Variants in FAM118B observed in about 807,000 individuals in gnomAD.
FAM118B encodes the protein protein FAM118B.
FAM118B carries 24 observed loss-of-function variants against 38.5 expected under a neutral mutation model. The ratio of observed to expected loss-of-function variants is 0.62; its 90% CI spans 0.45 to 0.88. The LOEUF is 0.88. Ranked by LOEUF, FAM118B falls within the 40% of genes least tolerant of loss-of-function variation. The pLI is 0.00. For missense variants in FAM118B, 334 were observed against 420.0 expected, an observed-to-expected ratio of 0.80 and a Z score of 1.79; for synonymous variants, 138 against 156.3, an observed-to-expected ratio of 0.88 and a Z score of 0.87.
At chr11:126,235,297 G>A (rs959839506) in intron 3 of FAM118B, among the ~76,000 whole-genome samples, 21 of 152,218 alleles carry the variant, frequency 1.4e-4, no homozygotes, top group African/African-American at 4.3e-4. Flanking sequence ...TTCAAAGTCC[G>A]CCCTTCCTCA....
chr11:126,229,386 A>AT (rs1362943829), intron 2 of FAM118B, 93 bp downstream of exon 2: 1 of 152,156 alleles, frequency 6.6e-6, no homozygotes, highest in African/African-American at 2.4e-5. Flanking sequence ...TTCCCTATAC[A>AT]TATGCGTTAC....
upstream of FAM118B, chr11:126,211,735 T>C (rs1949878821): frequency 1.4e-6 from 2 of 1,406,954 alleles, no homozygotes; most frequent in East Asian, 2.3e-5. Flanking sequence ...TGGTGCGGGG[T>C]GGGGCCTGGG....
chr11:126,249,596 T>G (rs1190956813), intron 4 of FAM118B, among the ~76,000 whole-genome samples: 1 of 151,826 alleles, frequency 6.6e-6, no homozygotes, highest in East Asian at 1.9e-4. Context: ...CTGAGCACAG[T>G]GGCAGGCGCC....
chr11:126,223,704 C>A (rs1470991772), intron 1 of FAM118B, among the ~76,000 whole-genome samples: 1 of 152,028 alleles, frequency 6.6e-6, no homozygotes, highest in African/African-American at 2.4e-5. Flanking sequence ...AATACTGATG[C>A]CCTTGAATCA....
rs577322796 is a variant in FAM118B, at chr11:126,256,986, C to T, written c.982+134C>T. The T allele has an allele frequency of 1.1e-4, 94 of 890,228 alleles. 1 individual carries two copies. The highest frequency in any genetic ancestry group is 3.5e-4 in the Middle Eastern group (1 of 2,886). 55.1% of individuals were successfully genotyped at this position (890,228 alleles called of 1,614,324 possible). ...ACTGACCAAATTGTAAAGGAGGCCA[C>T]AGTCTTCAGGTTAGACTAAAGTGCC... is the stretch of plus-strand genomic sequence containing the variant. On this transcript the variant is annotated intron_variant, in intron 7 of 8. Coordinates refer to ENST00000533050, the MANE Select transcript of FAM118B (RefSeq NM_024556.4). This position sits in a 1 kb window ranked among gnomAD's most constrained non-coding sequence, Gnocchi z 6.6.
Position 126,250,430 on chromosome 11 carries a change from T to G in FAM118B, c.340-76T>G. The G allele has an allele frequency of 2.1e-6, 2 of 963,360 alleles. No homozygotes were observed. The highest frequency in any genetic ancestry group is 3.0e-5 in the South Asian group (2 of 65,876). 59.7% of individuals were successfully genotyped at this position (963,360 alleles called of 1,614,324 possible). A position where few individuals can be genotyped will look rare whatever the true frequency, so the allele number is the denominator to read the frequency against. On this transcript the variant is annotated intron_variant, in intron 4 of 8. Transcript: ENST00000533050. The surrounding 1 kb of genome is among the most constrained non-coding windows in gnomAD (Gnocchi z 5.1). ...GAATTCAAAATATTCTTCCAAAATT[T>G]GTTACTGCTGTAACTAAAACAACTG...
At position 126,255,575 on chromosome 11, in the gene FAM118B, T is replaced by G. The variant is rs1242292316; in HGVS notation, c.697-992T>G. 2.0e-5 allele frequency among the ~76,000 whole-genome samples: 3 copies of G among 152,206 alleles called. No homozygotes were observed. Among genetic ancestry groups the G allele is most frequent in the Non-Finnish European group, 4.4e-5 (3 of 68,038 alleles). ...ATGATGGAATTATCTTCTCTGGTGA[T>G]TCACAGTTCAGTTTGTGAGACAAAG... On this transcript the variant is annotated intron_variant, in intron 6 of 8. Transcript: ENST00000533050. The surrounding 1 kb of genome is among the most constrained non-coding windows in gnomAD (Gnocchi z 4.6).
chr11:126,239,425 G>A (rs1000176021), intron 3 of FAM118B, among the ~76,000 whole-genome samples: 2 of 152,272 alleles, frequency 1.3e-5, no homozygotes, highest in African/African-American at 4.8e-5. Context: ...TTTTCTATGT[G>A]TGTGTATATT....
intron 1 of FAM118B, among the ~76,000 whole-genome samples, chr11:126,218,939 C>T (rs868534627): frequency 2.6e-5 from 4 of 152,184 alleles, no homozygotes; most frequent in Non-Finnish European, 5.9e-5. Context: ...TTTCAGATTT[C>T]GGTTCATTTT....
At chr11:126,251,704 T>C (rs970577975) in intron 5 of FAM118B, among the ~76,000 whole-genome samples, 3 of 152,110 alleles carry the variant, frequency 2.0e-5, no homozygotes, top group African/African-American at 7.2e-5. Context: ...GTCCGTTTCC[T>C]TTGTAGCACT....
chr11:126,211,800 A>T lies in FAM118B; in HGVS notation c.-107A>T, dbSNP rs1949881333. The T allele has an allele frequency of 5.5e-6, 4 of 729,664 alleles. No individual in the cohort carries two copies. Among genetic ancestry groups the T allele is most frequent in the Non-Finnish European group, 4.4e-6 (2 of 451,090 alleles). 45.2% of individuals were successfully genotyped at this position (729,664 alleles called of 1,614,324 possible). ...TGCGGCTGCGCCGGCCGGTAGCTGC[A>T]GCTGGAGCAGTGGCGTTTGGAGGAG... is the stretch of plus-strand genomic sequence containing the variant. On this transcript the variant is annotated 5_prime_UTR_variant, in exon 1 of 9. Transcript: ENST00000533050.
At chr11:126,221,489 T>C (rs1235532212) in intron 1 of FAM118B, among the ~76,000 whole-genome samples, 1 of 152,080 alleles carries the variant, frequency 6.6e-6, no homozygotes, top group Non-Finnish European at 1.5e-5. Flanking sequence ...AAGGAGCAGG[T>C]TGTTGAACGG....
intron 5 of FAM118B, among the ~76,000 whole-genome samples, chr11:126,251,255 T>C (rs1463557927): frequency 1.3e-5 from 2 of 152,238 alleles, no homozygotes; most frequent in Non-Finnish European, 2.9e-5. Flanking sequence ...TTGATCTGTG[T>C]CAGCTAATGA....
intron 1 of FAM118B, among the ~76,000 whole-genome samples, chr11:126,224,474 T>TA (rs1950111430): frequency 4.0e-5 from 1 of 25,016 alleles, no homozygotes; most frequent in Non-Finnish European, 6.3e-5. Context: ...AGACCCTGTC[T>TA]CAAAAAAAAA....
In FAM118B at chr11:126,256,446, A is replaced by G. The variant is rs1950580137; in HGVS notation, c.697-121A>G. The G allele has an allele frequency of 3.7e-6, 3 of 805,322 alleles. No homozygotes were observed. Among genetic ancestry groups the G allele is most frequent in the Admixed American group, 2.7e-5 (1 of 36,480 alleles). 49.9% of individuals were successfully genotyped at this position (805,322 alleles called of 1,614,324 possible). On this transcript the variant is annotated intron_variant, in intron 6 of 8. Coordinates refer to ENST00000533050, the MANE Select transcript of FAM118B (RefSeq NM_024556.4). The surrounding 1 kb of genome is among the most constrained non-coding windows in gnomAD (Gnocchi z 6.6). ...TCACACTCCTTGATGGGACATACCA[A>G]CCCACTTAAGTCTTGCTTAATTGGT...
At chr11:126,226,549 T>G (rs1391323170) in intron 1 of FAM118B, among the ~76,000 whole-genome samples, 1 of 152,266 alleles carries the variant, frequency 6.6e-6, no homozygotes, top group Non-Finnish European at 1.5e-5. Flanking sequence ...TTAACAGGCC[T>G]TTTCTCTCCT....
At chr11:126,211,770 C>G, upstream of FAM118B, 1 of 1,013,638 alleles carries the variant, frequency 9.9e-7, no homozygotes, top group Non-Finnish European at 1.4e-6. Context: ...ACGGTGCGCG[C>G]TCAGTGCGGC....
At chr11:126,230,341 C>G (rs11820354) in intron 2 of FAM118B, among the ~76,000 whole-genome samples, 17 of 152,194 alleles carry the variant, frequency 1.1e-4, no homozygotes, top group African/African-American at 4.1e-4. Flanking sequence ...CCTCCCAAAT[C>G]CGATAGTTGC....
chr11:126,262,268 G>C lies in FAM118B; in HGVS notation c.*135G>C, dbSNP rs1178571093. ...TAGCCAGAGGTTGAAGGGCGGGGTAGAAGAGGGGGGAATGTTGCAGCGTAA... is the reference window on the plus strand; with the variant it reads ...TAGCCAGAGGTTGAAGGGCGGGGTACAAGAGGGGGGAATGTTGCAGCGTAA... On this transcript the variant is annotated 3_prime_UTR_variant, in exon 9 of 9. Coordinates refer to ENST00000533050, the MANE Select transcript of FAM118B (RefSeq NM_024556.4). The C allele has an allele frequency of 2.4e-6, 2 of 842,562 alleles. No homozygotes were observed. Among genetic ancestry groups the C allele is most frequent in the African/African-American group, 1.7e-5 (1 of 58,406 alleles). The allele number at this position is 842,562 out of a possible 1,614,324, so 52.2% of individuals were successfully genotyped here.
Sources: gnomAD v4.1 joint callset for allele counts (sites outside exome capture counted in the v4.1 genomes callset) on GRCh38, gnomAD v4.1.1 for gene constraint, Gnocchi (gnomAD v3.1) non-coding constraint, MANE v1.5 for transcripts, NCBI Gene and HGNC (gene_info 2026-07-23, HGNC 2026-07-21) for gene names.